The following GAB3 variants were observed in gnomAD, a reference collection of about 807,000 sequenced individuals.
The protein encoded by GAB3 is GRB2 associated binding protein 3.
A neutral mutation model predicts 40.4 loss-of-function variants in GAB3; 12 were observed. That is an observed-to-expected ratio of 0.30 (90% CI 0.19 to 0.48). GAB3 has a LOEUF of 0.48. Ranked by LOEUF, GAB3 falls within the 20% of genes least tolerant of loss-of-function variation. The pLI, the probability that GAB3 is intolerant of heterozygous loss-of-function variation, is 0.99. For missense variants in GAB3, 381 were observed against 461.9 expected, an observed-to-expected ratio of 0.82 and a Z score of 1.61; for synonymous variants, 154 against 176.7, an observed-to-expected ratio of 0.87 and a Z score of 1.02.
chrX:154,708,505 A>G (rs1022215676), intron 4 of GAB3, among the ~76,000 whole-genome samples: 12 of 112,369 alleles, frequency 1.1e-4, no homozygotes, highest in Non-Finnish European at 1.9e-5. Context: ...AAAAATATAT[A>G]AGGAACTCAC....
intron 1 of GAB3, among the ~76,000 whole-genome samples, chrX:154,749,344 A>G (rs1045426252): frequency 5.3e-5 from 6 of 112,932 alleles, no homozygotes; most frequent in African/African-American, 1.9e-4. Context: ...ATCTTTCTGT[A>G]TCATCTACTG....
Position 154,678,170 on chromosome X carries a change from C to T in GAB3, c.*8G>A, listed in dbSNP as rs369433029. On this transcript the variant is annotated 3_prime_UTR_variant, in exon 10 of 10. Coordinates refer to ENST00000424127, the MANE Select transcript of GAB3 (RefSeq NM_001081573.3). ...CCCTGTTTCACACATGGCACAAGCC[C>T]GCACCTCTCATACTTTGGATTGCCT... The T allele has an allele frequency of 2.0e-4, 204 of 1,032,896 alleles. No individual in the cohort carries two copies. The highest frequency in any genetic ancestry group is 2.4e-4 in the Non-Finnish European group (180 of 740,670). 85.1% of individuals were successfully genotyped at this position (1,032,896 alleles called of 1,213,427 possible).
At chrX:154,695,083 A>G (rs1557250318) in intron 8 of GAB3, among the ~76,000 whole-genome samples, 2 of 112,191 alleles carry the variant, frequency 1.8e-5, no homozygotes, top group Admixed American at 1.9e-4. Context: ...TTGTCTTCTC[A>G]AGAGTATATT....
At chrX:154,706,844 C>T (rs1310826876) in intron 4 of GAB3, among the ~76,000 whole-genome samples, 1 of 107,642 alleles carries the variant, frequency 9.3e-6, no homozygotes, top group Non-Finnish European at 1.9e-5. Flanking sequence ...TATTTAAGCC[C>T]AGAAGTTTGA....
rs1380826746 is a variant in GAB3, at chrX:154,675,603, G to A, written c.*2575C>T. The A allele has an allele frequency of 8.9e-6, 1 of 112,191 alleles. No homozygotes were observed. Among genetic ancestry groups the A allele is most frequent in the Non-Finnish European group, 1.9e-5 (1 of 53,236 alleles). 9.2% of individuals were successfully genotyped at this position (112,191 alleles called of 1,213,427 possible). A position where few individuals can be genotyped will look rare whatever the true frequency, so the allele number is the denominator to read the frequency against. On this transcript the variant is annotated 3_prime_UTR_variant, in exon 10 of 10. Transcript: ENST00000424127. ...TTGGGTCCCCCGTCCTGCACTGGAC[G>A]ACCCCTGACTGGGAGGAATTTTCTA...
rs2070959562 is a variant in GAB3, at chrX:154,712,191, G to C, written c.1069+38C>G. ...GCACAAAGAGTGAAGAGGAGCCCGG[G>C]TTTTCTTGGCGCCTGAATCTTAGGA... On this transcript the variant is annotated intron_variant, in intron 4 of 9. Transcript: ENST00000424127. The C allele has an allele frequency of 2.9e-6, 3 of 1,046,533 alleles. No homozygotes were observed. The South Asian group carries it at 6.5e-5, about 23-fold the overall frequency. 86.2% of individuals were successfully genotyped at this position (1,046,533 alleles called of 1,213,427 possible). A position where few individuals can be genotyped will look rare whatever the true frequency, so the allele number is the denominator to read the frequency against.
At chrX:154,728,601 C>A (rs1014193435) in intron 1 of GAB3, among the ~76,000 whole-genome samples, 2 of 112,317 alleles carry the variant, frequency 1.8e-5, no homozygotes, top group Admixed American at 9.4e-5. Context: ...ATTGATGAGA[C>A]GTTGGAGATG....
intron 1 of GAB3, among the ~76,000 whole-genome samples, chrX:154,734,848 G>A (rs182828310): frequency 7.2e-4 from 81 of 112,257 alleles, no homozygotes; most frequent in Admixed American, 1.3e-3. Context: ...TGACTGAAGT[G>A]GGGGCTAACC....
chrX:154,720,499 G>A (rs781984370), intron 1 of GAB3, among the ~76,000 whole-genome samples: 3 of 109,932 alleles, frequency 2.7e-5, no homozygotes, highest in Admixed American at 9.6e-5. Flanking sequence ...GGTAGTGGGC[G>A]CCTGTAGTCC....
At chrX:154,724,893 G>A (rs1325872282) in intron 1 of GAB3, among the ~76,000 whole-genome samples, 2 of 111,584 alleles carry the variant, frequency 1.8e-5, no homozygotes, top group Non-Finnish European at 3.8e-5. Flanking sequence ...AATGGCAGGT[G>A]TCACCGCCCC....
chrX:154,691,085 G>A, intron 8 of GAB3, among the ~76,000 whole-genome samples: 1 of 110,473 alleles, frequency 9.1e-6, no homozygotes, highest in Non-Finnish European at 1.9e-5. Context: ...ACACTATGCA[G>A]CCATAAAAAA....
chrX:154,695,685 C>A (rs782456819), intron 8 of GAB3, among the ~76,000 whole-genome samples: 170 of 112,522 alleles, frequency 1.5e-3, no homozygotes, highest in Middle Eastern at 4.6e-3. Flanking sequence ...CCTGAGCTAT[C>A]TTGAAATACT....
chrX:154,681,435 G>GT (rs67404624), intron 8 of GAB3, among the ~76,000 whole-genome samples: 85 of 100,886 alleles, frequency 8.4e-4, no homozygotes, highest in Admixed American at 2.1e-3. Flanking sequence ...TGTTTTTTGG[G>GT]TTTTTTTTTT....
rs1557250590 is a variant in GAB3, at chrX:154,695,984, C to T, written c.1463G>A (p.Gly488Asp). ...AGCAAAAAATCTTGCAGAATTAATA[C>T]CATTTCTTTCTGGAGAGAGAAAGCT... ...RTSFLSPERNGINSARFFANP... is the reference protein window; with the variant it reads ...RTSFLSPERNDINSARFFANP... Residue 488 changes from glycine to aspartate, a missense_variant, in exon 8 of 10, where the codon GGT (glycine) becomes GAT (aspartate). Around this residue, in one of 2 missense-constraint regions of GAB3, gnomAD observed 364 missense variants for 421.0 expected, o/e 0.86. Coordinates refer to ENST00000424127, the MANE Select transcript of GAB3 (RefSeq NM_001081573.3). 1 of 1,192,346 alleles carries T rather than the reference C, an allele frequency of 8.4e-7. No individual in the cohort carries two copies. Among genetic ancestry groups the T allele is most frequent in the Non-Finnish European group, 1.1e-6 (1 of 879,468 alleles).
chrX:154,749,235 A>G (rs2148500048), intron 1 of GAB3, among the ~76,000 whole-genome samples: 1 of 112,545 alleles, frequency 8.9e-6, no homozygotes, highest in East Asian at 2.8e-4. Context: ...GCCTTCCCAA[A>G]GTTGATGAAA....
chrX:154,737,792 C>T (rs1429720282), intron 1 of GAB3, among the ~76,000 whole-genome samples: 15 of 111,623 alleles, frequency 1.3e-4, no homozygotes, highest in Non-Finnish European at 2.3e-4. Context: ...GTCAGGAGTT[C>T]GAGCCTGGGC....
intron 8 of GAB3, 86 bp downstream of exon 8, chrX:154,695,831 C>T (rs982954169): frequency 1.9e-5 from 10 of 523,335 alleles, no homozygotes; most frequent in Non-Finnish European, 2.9e-5. Flanking sequence ...ACAGGGCTTA[C>T]TGAAGGATGT....
intron 9 of GAB3, chrX:154,679,382 G>C (rs782264261): frequency 1.0e-4 from 24 of 240,307 alleles, no homozygotes; most frequent in Non-Finnish European, 1.9e-4. Context: ...ATGAGATTTG[G>C]GGGTTGTTTG....
chrX:154,707,094 C>T (rs781962374), intron 4 of GAB3, among the ~76,000 whole-genome samples: 25 of 111,411 alleles, frequency 2.2e-4, no homozygotes, highest in African/African-American at 8.1e-4. Flanking sequence ...TTTATGACGT[C>T]AGCATAACAT....
Sources: gnomAD v4.1 joint callset for allele counts (sites outside exome capture counted in the v4.1 genomes callset) on GRCh38, gnomAD v4.1.1 for gene constraint, gnomAD v4.1.1 regional missense constraint, MANE v1.5 for transcripts, NCBI Gene and HGNC (gene_info 2026-07-23, HGNC 2026-07-21) for gene names.